The following CDK7 variants were observed in gnomAD, a reference collection of about 807,000 sequenced individuals.
The protein encoded by CDK7 is cyclin dependent kinase 7.
A neutral mutation model predicts 49.1 loss-of-function variants in CDK7; 25 were observed. The observed-to-expected ratio is 0.51, with a 90% CI of 0.37 to 0.71. The LOEUF (loss-of-function observed/expected upper bound fraction) is 0.71, where lower values mean the gene tolerates loss of function less well. CDK7 is among the 30% of genes least tolerant of loss of function. CDK7 has a pLI of 0.00. For missense variants in CDK7, 316 were observed against 411.7 expected, an observed-to-expected ratio of 0.77 and a Z score of 2.01; for synonymous variants, 107 against 140.0, an observed-to-expected ratio of 0.76 and a Z score of 1.67.
At chr5:69,263,639 C>T (rs560027706) in intron 8 of CDK7, among the ~76,000 whole-genome samples, 2 of 152,338 alleles carry the variant, frequency 1.3e-5, no homozygotes, top group South Asian at 4.1e-4. Context: ...ATGGGAATCA[C>T]AGTGCTAACA....
At chr5:69,249,101 A>T (rs536630639) in intron 2 of CDK7, among the ~76,000 whole-genome samples, 5 of 149,464 alleles carry the variant, frequency 3.3e-5, no homozygotes, top group Admixed American at 2.0e-4. Flanking sequence ...GGCCCAAAAC[A>T]CTTAGATTTG....
intron 2 of CDK7, among the ~76,000 whole-genome samples, chr5:69,236,871 C>T (rs1185578155): frequency 6.7e-6 from 1 of 150,190 alleles, no homozygotes; most frequent in Non-Finnish European, 1.5e-5. Flanking sequence ...AGGCTGGTCT[C>T]GAACTCCTGA....
chr5:69,247,730 AT>A (rs1177614202), intron 2 of CDK7, among the ~76,000 whole-genome samples: 1 of 151,272 alleles, frequency 6.6e-6, no homozygotes, highest in East Asian at 1.9e-4. Context: ...CTTAATTTTT[AT>A]TTTTTTGTGT....
chr5:69,251,467 A>C (rs1750139361), intron 2 of CDK7, among the ~76,000 whole-genome samples: 1 of 151,452 alleles, frequency 6.6e-6, no homozygotes, highest in Non-Finnish European at 1.5e-5. Flanking sequence ...CTGATCTTTA[A>C]CTCCTGTACT....
chr5:69,273,665 G>A lies in CDK7; in HGVS notation c.864+624G>A, dbSNP rs1302388546. ...CTAGAATAACTTAGGGCAGAGCACT[G>A]TACAACACAGTGCAGTGATTTTACC... On this transcript the variant is annotated intron_variant, in intron 10 of 11. Transcript: ENST00000256443. Among the ~76,000 whole-genome samples, 4 of 152,186 alleles carry A rather than the reference G, an allele frequency of 2.6e-5. No individual in the cohort carries two copies. In the East Asian group the frequency reaches 5.8e-4, roughly 22 times the overall value.
intron 5 of CDK7, among the ~76,000 whole-genome samples, chr5:69,256,579 G>A (rs529008240): frequency 2.0e-5 from 3 of 151,830 alleles, no homozygotes; most frequent in South Asian, 2.1e-4. Flanking sequence ...GACCTCTGGC[G>A]ATCTACCTGC....
chr5:69,262,230 T>C lies in CDK7; in HGVS notation c.553T>C (p.Phe185Leu). The C allele has an allele frequency of 1.2e-6, 2 of 1,614,008 alleles. No homozygotes were observed. Among genetic ancestry groups the C allele is most frequent in the South Asian group, 2.2e-5 (2 of 91,068 alleles). ...TRWYRAPELL[F>L]GARMYGVGVD... Reference sequence around the variant, plus strand: ...GTGGTATCGGGCCCCCGAGTTACTATTTGGAGCTAGGATGTATGGTGTAGG... The same window carrying C: ...GTGGTATCGGGCCCCCGAGTTACTACTTGGAGCTAGGATGTATGGTGTAGG... The change falls in exon 8 of 12, where the codon TTT becomes CTT. Residue 185 changes from phenylalanine (F) to leucine (L), a missense_variant. Phe to Leu is a conservative substitution (Grantham distance 22, BLOSUM62 0). Coordinates refer to ENST00000256443, the MANE Select transcript of CDK7 (RefSeq NM_001799.4).
chr5:69,246,701 G>A (rs1580280879), intron 2 of CDK7, among the ~76,000 whole-genome samples: 1 of 136,758 alleles, frequency 7.3e-6, no homozygotes, highest in Admixed American at 7.2e-5. Flanking sequence ...TGAAGGTTTT[G>A]TTTTTGGTTT....
intron 3 of CDK7, among the ~76,000 whole-genome samples, chr5:69,252,826 C>A (rs532024844): frequency 3.4e-4 from 51 of 152,154 alleles, no homozygotes; most frequent in African/African-American, 1.2e-3. Flanking sequence ...TTCATTCTCA[C>A]TGAAGAAACG....
At chr5:69,252,914 C>T (rs563070768) in intron 3 of CDK7, among the ~76,000 whole-genome samples, 1 of 152,232 alleles carries the variant, frequency 6.6e-6, no homozygotes, top group South Asian at 2.1e-4. Flanking sequence ...AAGATAGACT[C>T]AGCATAGAGA....
intron 2 of CDK7, among the ~76,000 whole-genome samples, chr5:69,251,514 G>C (rs185124240): frequency 3.3e-5 from 5 of 152,182 alleles, no homozygotes; most frequent in Non-Finnish European, 5.9e-5. Flanking sequence ...CAAAATACTG[G>C]GATTGCAGGC....
rs1356907378 is a variant in CDK7 at position 69,269,120 on chromosome 5, CAG to C, written c.628-84_628-83del. 5.2e-6 allele frequency: 4 copies of C among 772,444 alleles called. No individual in the cohort carries two copies. In the East Asian group the frequency reaches 7.9e-5, roughly 15 times the overall value. The allele number at this position is 772,444 out of a possible 1,614,324, so 47.8% of individuals were successfully genotyped here. On this transcript the variant is annotated intron_variant, in intron 8 of 11. Coordinates refer to ENST00000256443, the MANE Select transcript of CDK7 (RefSeq NM_001799.4). Reference sequence around the variant, plus strand: ...GCATCACTCACTGCAGCCTGGGTGACAGAGCGAGACTCTGTCTCTCTAAAAAA... The same window carrying C: ...GCATCACTCACTGCAGCCTGGGTGACAGCGAGACTCTGTCTCTCTAAAAAA...
chr5:69,239,890 T>TC (rs1749253855), intron 2 of CDK7, among the ~76,000 whole-genome samples: 2 of 151,842 alleles, frequency 1.3e-5, no homozygotes, highest in Admixed American at 1.3e-4. Flanking sequence ...TTTTTTTTTT[T>TC]CAATAGAGAC....
At chr5:69,252,495 T>C (rs1364326679) in intron 3 of CDK7, 44 bp downstream of exon 3, 8 of 20,098 alleles carry the variant, frequency 4.0e-4, no homozygotes, top group South Asian at 2.3e-3. Context: ...AGTTTTCTCC[T>C]TTTTTTTTTT....
chr5:69,265,774 G>T (rs1197648960), intron 8 of CDK7, among the ~76,000 whole-genome samples: 3 of 152,140 alleles, frequency 2.0e-5, no homozygotes, highest in Non-Finnish European at 2.9e-5. Context: ...GCCGGGCATG[G>T]TATTGAGTGC....
At chr5:69,237,725 C>T (rs922465675) in intron 2 of CDK7, among the ~76,000 whole-genome samples, 2 of 152,012 alleles carry the variant, frequency 1.3e-5, no homozygotes, top group African/African-American at 2.4e-5. Flanking sequence ...TCGAGGCAGG[C>T]GGATCACCTG....
At position 69,238,414 on chromosome 5, in the gene CDK7, A is replaced by C. The variant is rs151163870; in HGVS notation, c.126+2961A>C. ...TTCCATCTGCTTCAGCCTCCCAACC[A>C]GCTAGGAGTACAGGTGCATGCCACC... On this transcript the variant is annotated intron_variant, in intron 2 of 11. Coordinates refer to ENST00000256443, the MANE Select transcript of CDK7 (RefSeq NM_001799.4). Among the ~76,000 whole-genome samples the C allele has an allele frequency of 1.6e-3, 241 of 151,240 alleles. 1 individual carries two copies. The highest frequency in any genetic ancestry group is 5.7e-3 in the African/African-American group (233 of 41,196).
At position 69,272,937 on chromosome 5, in the gene CDK7, G is replaced by A. The variant is rs777887936; in HGVS notation, c.760G>A (p.Gly254Arg). 1.3e-6 allele frequency: 2 copies of A among 1,595,500 alleles called. No individual in the cohort carries two copies. Among genetic ancestry groups the A allele is most frequent in the African/African-American group, 1.4e-5 (1 of 73,382 alleles). The part of the protein sequence containing the change: ...PDYVTFKSFP[G>R]IPLHHIFSAA... ...TTATGTGACATTTAAGAGTTTCCCT[G>A]GAATACCTTTGCATCACATCTTCAG... The change falls in exon 10 of 12, where the codon GGA becomes AGA. Residue 254 changes from glycine to arginine, a missense_variant. Transcript: ENST00000256443.
intron 10 of CDK7, among the ~76,000 whole-genome samples, chr5:69,275,538 C>T (rs999292963): frequency 1.3e-5 from 2 of 151,992 alleles, no homozygotes; most frequent in African/African-American, 4.8e-5. Context: ...TCCAAATATC[C>T]GAAATCTGAA....
Sources: allele counts gnomAD v4.1 joint callset (sites outside exome capture counted in the v4.1 genomes callset), GRCh38; gene constraint gnomAD v4.1.1; transcripts MANE v1.5; gene names NCBI Gene and HGNC (gene_info 2026-07-23, HGNC 2026-07-21).